Variants in PCDHGA7 observed in about 807,000 individuals in gnomAD.
PCDHGA7 encodes protocadherin gamma subfamily A, 7, also known as protocadherin gamma-A7.
Under a neutral mutation model 58.3 loss-of-function variants are expected in PCDHGA7, and 44 were observed. The ratio of observed to expected loss-of-function variants is 0.75; its 90% confidence interval spans 0.59 to 0.97. The LOEUF is 0.97. Among genes scored for constraint, PCDHGA7 ranks in the 50% least tolerant of loss-of-function variants. PCDHGA7 has a pLI of 0.00. For synonymous variants in PCDHGA7, 516 were observed against 504.2 expected (o/e 1.02, Z -0.31); for missense variants, 1,266 against 1,188.7 (o/e 1.06, Z -0.96).
At chr5:141,418,185 T>C in intron 1 of PCDHGA7, 1 of 1,614,058 alleles carries the variant, frequency 6.2e-7, no homozygotes, top group Non-Finnish European at 8.5e-7. Flanking sequence ...TTGGAAGCTG[T>C]GGTGGAAAAT....
In PCDHGA7 at chr5:141,491,632, C is replaced by T; in HGVS notation, c.2425-3175C>T. On this transcript the variant is annotated intron_variant, in intron 1 of 3. Transcript: ENST00000518325. This position sits in a 1 kb window ranked among gnomAD's most constrained non-coding sequence, Gnocchi z 6.9. ...TCTAAGACCCCTCAGCGTTCAGCAG[C>T]CCACAGCTCTGGCGCTGGAGCCTGA... 1.2e-6 allele frequency: 2 copies of T among 1,613,886 alleles called. No individual in the cohort carries two copies. The highest frequency in any genetic ancestry group is 1.7e-6 in the Non-Finnish European group (2 of 1,179,994).
chr5:141,389,916 G>C lies in PCDHGA7; in HGVS notation c.2424+4593G>C, dbSNP rs747654268. 3.1e-6 allele frequency: 5 copies of C among 1,613,904 alleles called. No individual in the cohort carries two copies. In the African/African-American group the frequency reaches 6.7e-5, roughly 22 times the overall value. ...GCTGCCGGATATCACTGACCGCCCC[G>C]ACCCCTCTGACCTCCAGGCTGAGCT... On this transcript the variant is annotated intron_variant, in intron 1 of 3. Transcript: ENST00000518325.
intron 1 of PCDHGA7, chr5:141,478,713 G>A (rs745990290): frequency 1.9e-6 from 3 of 1,546,642 alleles, no homozygotes; most frequent in African/African-American, 2.7e-5. Context: ...TTGTGAGATG[G>A]TGGCCTGCCA....
At chr5:141,422,887 C>T in intron 1 of PCDHGA7, 1 of 1,614,264 alleles carries the variant, frequency 6.2e-7, no homozygotes, top group Non-Finnish European at 8.5e-7. Context: ...CCTGTTCGTG[C>T]TGGACCAGAA....
chr5:141,400,181 A>C, intron 1 of PCDHGA7: 3 of 1,614,034 alleles, frequency 1.9e-6, no homozygotes, highest in Non-Finnish European at 2.5e-6. Context: ...GCTGAGCTGC[A>C]GTTTTACCTA....
rs1365133001 is a variant in PCDHGA7 at position 141,477,683 on chromosome 5, G to A, written c.2425-17124G>A. ...TGACAATGGCATAGTGTCATCCTTA[G>A]TGCCCCTAGACTATGAGGATCGGCG... On this transcript the variant is annotated intron_variant, in intron 1 of 3. Transcript: ENST00000518325. This position sits in a 1 kb window ranked among gnomAD's most constrained non-coding sequence, Gnocchi z 4.9. 1.2e-6 allele frequency: 2 copies of A among 1,614,176 alleles called. No homozygotes were observed. The highest frequency in any genetic ancestry group is 3.3e-5 in the Admixed American group (2 of 60,028).
rs1248191692 is a variant in PCDHGA7, at chr5:141,419,519, G to T, written c.2424+34196G>T. The T allele has an allele frequency of 1.9e-6, 3 of 1,612,180 alleles. No homozygotes were observed. Among genetic ancestry groups the T allele is most frequent in the Non-Finnish European group, 1.7e-6 (2 of 1,179,504 alleles). ...TGTGAGCCTGCGCGTGTTGGTGGGC[G>T]ACCGTAACGACAACGCACCGCGGGT... On this transcript the variant is annotated intron_variant, in intron 1 of 3. Coordinates refer to ENST00000518325, the MANE Select transcript of PCDHGA7 (RefSeq NM_018920.4).
chr5:141,384,052 A>G lies in PCDHGA7; in HGVS notation c.1153A>G (p.Thr385Ala). 1 of 1,611,012 alleles carries G rather than the reference A, an allele frequency of 6.2e-7. No individual in the cohort carries two copies. Among genetic ancestry groups the G allele is most frequent in the Non-Finnish European group, 8.5e-7 (1 of 1,178,264 alleles). Residue 385 changes from threonine (T) to alanine (A), a missense_variant, in exon 1 of 4, where the codon ACC becomes GCC. Physicochemically the swap from Thr to Ala is moderately conservative, Grantham distance 58 (BLOSUM62 0). Coordinates refer to ENST00000518325, the MANE Select transcript of PCDHGA7 (RefSeq NM_018920.4). ...DSGKNGEVTC[T>A]IPENLPFKLE... ...TGGAAAGAATGGTGAGGTGACCTGC[A>G]CCATTCCAGAAAACCTACCTTTTAA...
At chr5:141,394,586 G>A in intron 1 of PCDHGA7, 1 of 1,613,888 alleles carries the variant, frequency 6.2e-7, no homozygotes. Context: ...TGACCAAGGT[G>A]GTGGCGGTGG....
In PCDHGA7 at chr5:141,384,777, G is replaced by A; in HGVS notation, c.1878G>A (p.Val626=). The A allele has an allele frequency of 1.2e-6, 2 of 1,613,860 alleles. No individual in the cohort carries two copies. The highest frequency in any genetic ancestry group is 1.7e-6 in the Non-Finnish European group (2 of 1,180,006). ...LFAVGLYTGE[V]RTARALLDRD... is the part of the protein sequence containing the mutation. ...CGGTTGGGCTGTACACGGGCGAGGT[G>A]CGCACGGCTCGGGCCCTGCTGGACA... The change falls in exon 1 of 4, where the codon GTG becomes GTA. Residue 626 remains valine (V), a synonymous_variant. Coordinates refer to ENST00000518325, the MANE Select transcript of PCDHGA7 (RefSeq NM_018920.4).
At chr5:141,510,139 G>T (rs931012964) in intron 3 of PCDHGA7, among the ~76,000 whole-genome samples, 1 of 152,136 alleles carries the variant, frequency 6.6e-6, no homozygotes, top group Non-Finnish European at 1.5e-5. Context: ...CTGGGCTAGT[G>T]GTGTGCACCT....
intron 1 of PCDHGA7, chr5:141,428,334 C>T: frequency 1.6e-6 from 1 of 618,848 alleles, no homozygotes; most frequent in Non-Finnish European, 2.9e-6. Flanking sequence ...TTTCTATGCT[C>T]TTCTTCCTCG....
chr5:141,449,693 G>A (rs2098652097), intron 1 of PCDHGA7, among the ~76,000 whole-genome samples: 1 of 150,164 alleles, frequency 6.7e-6, no homozygotes, highest in South Asian at 2.1e-4. Flanking sequence ...TTGTGTGTAT[G>A]TACACAAACA....
At chr5:141,426,231 C>A in intron 1 of PCDHGA7, 1 of 158,042 alleles carries the variant, frequency 6.3e-6, no homozygotes, top group Non-Finnish European at 1.4e-5. Flanking sequence ...ATTTTAAAAG[C>A]ACTTTGTGAA....
At chr5:141,413,407 CT>C (rs758693256) in intron 1 of PCDHGA7, 3 of 1,613,926 alleles carry the variant, frequency 1.9e-6, no homozygotes, top group Non-Finnish European at 2.5e-6. Flanking sequence ...TAGGACGCAG[CT>C]TTTCTCTCTG....
At chr5:141,388,018 C>A (rs528825785) in intron 1 of PCDHGA7, 2 of 1,460,562 alleles carry the variant, frequency 1.4e-6, no homozygotes, top group African/African-American at 2.9e-5. Flanking sequence ...CCCAAGGGCT[C>A]CGTAGTGGGG....
chr5:141,425,337 G>A (rs1327677274), intron 1 of PCDHGA7, among the ~76,000 whole-genome samples: 1 of 152,186 alleles, frequency 6.6e-6, no homozygotes. Flanking sequence ...AAAAAGGAAG[G>A]GTTGGCTTTG....
At chr5:141,471,786 A>G (rs1043196530) in intron 1 of PCDHGA7, among the ~76,000 whole-genome samples, 6 of 152,244 alleles carry the variant, frequency 3.9e-5, no homozygotes, top group African/African-American at 1.4e-4. Flanking sequence ...ACATTATGCT[A>G]TGTCATATAA....
intron 1 of PCDHGA7, chr5:141,415,426 C>T: frequency 6.2e-7 from 1 of 1,614,194 alleles, no homozygotes; most frequent in Non-Finnish European, 8.5e-7. Flanking sequence ...GGACGGGGTT[C>T]GGGCTTTCCT....
Sources: gnomAD v4.1 joint callset for allele counts (sites outside exome capture counted in the v4.1 genomes callset) on GRCh38, gnomAD v4.1.1 for gene constraint, Gnocchi (gnomAD v3.1) non-coding constraint, MANE v1.5 for transcripts, NCBI Gene and HGNC (gene_info 2026-07-23, HGNC 2026-07-21) for gene names.